Variants in RAB6A observed in about 807,000 individuals in gnomAD.
The protein encoded by RAB6A is ras-related protein Rab-6A.
Under a neutral mutation model 32.3 loss-of-function variants are expected in RAB6A, and 8 were observed. The ratio of observed to expected loss-of-function variants is 0.25; its 90% CI spans 0.15 to 0.45. The LOEUF is 0.45. RAB6A is among the 20% of genes least tolerant of loss of function. The pLI is 1.00. For missense variants in RAB6A, 104 were observed against 249.4 expected (o/e 0.42, Z 3.93); for synonymous variants, 73 against 82.1 (o/e 0.89, Z 0.60).
At chr11:73,743,578 G>C (rs1392623388) in intron 1 of RAB6A, among the ~76,000 whole-genome samples, 1 of 151,470 alleles carries the variant, frequency 6.6e-6, no homozygotes, top group Non-Finnish European at 1.5e-5. Context: ...AGTGAGACAG[G>C]ATCACTGCAG....
chr11:73,755,517 C>T (rs1199289715), intron 1 of RAB6A, among the ~76,000 whole-genome samples: 1 of 151,974 alleles, frequency 6.6e-6, no homozygotes. Context: ...GGTCTCGAAC[C>T]CCTGACCTCA....
At chr11:73,760,518 C>G in intron 1 of RAB6A, 48 bp downstream of exon 1, 1 of 1,556,896 alleles carries the variant, frequency 6.4e-7, no homozygotes, top group Non-Finnish European at 8.7e-7. Context: ...GGGGGCGGTG[C>G]GGGGACGCTG....
chr11:73,684,773 A>C (rs1297394105), intron 6 of RAB6A, among the ~76,000 whole-genome samples: 1 of 152,228 alleles, frequency 6.6e-6, no homozygotes, highest in East Asian at 1.9e-4. Context: ...AGTTTCCTGA[A>C]CACATGTTCA....
Position 73,677,797 on chromosome 11 carries a change from G to C in RAB6A, c.*101C>G. ...TGATGAATTGCAATACGTTATTACT[G>C]AAGGGAAAAGGTTCAAGCCAATATT... On this transcript the variant is annotated 3_prime_UTR_variant, in exon 8 of 8. Coordinates refer to ENST00000336083, the MANE Select transcript of RAB6A (RefSeq NM_198896.2). The C allele has an allele frequency of 6.3e-7, 1 of 1,590,622 alleles. No individual in the cohort carries two copies. The highest frequency in any genetic ancestry group is 1.3e-5 in the African/African-American group (1 of 74,336).
At chr11:73,716,156 A>G (rs1590857019) in intron 5 of RAB6A, 95 bp downstream of exon 5, 1 of 925,240 alleles carries the variant, frequency 1.1e-6, no homozygotes, top group African/African-American at 1.6e-5. Context: ...TTAAGGATTA[A>G]GCATGTCTCC....
intron 2 of RAB6A, among the ~76,000 whole-genome samples, chr11:73,728,610 A>AAATAATAATAATAATAATAAT (rs71065031): frequency 0.037 from 5,022 of 136,370 alleles, 147 homozygotes; most frequent in Admixed American, 0.082. Context: ...GTCTTTGTTT[A>AAATAATAATAATAATAATAAT]AATAATAATA....
At chr11:73,737,638 T>C (rs543201504) in intron 1 of RAB6A, among the ~76,000 whole-genome samples, 2 of 152,278 alleles carry the variant, frequency 1.3e-5, no homozygotes, top group Admixed American at 6.5e-5. Context: ...GTATTGATAA[T>C]ATGCTTCAAA....
At chr11:73,744,592 A>C (rs1275870632) in intron 1 of RAB6A, among the ~76,000 whole-genome samples, 3 of 150,394 alleles carry the variant, frequency 2.0e-5, no homozygotes, top group Non-Finnish European at 3.0e-5. Context: ...CCTACAACAA[A>C]GTCAACATAC....
chr11:73,760,760 C>T lies in RAB6A; in HGVS notation c.-125G>A. Reference sequence around the variant, plus strand: ...CGAGCTCTCTCGGCCCCTGCAAGGCCCGGTGGAGGAGCCCGGCTGGAGGGC... The same window carrying T: ...CGAGCTCTCTCGGCCCCTGCAAGGCTCGGTGGAGGAGCCCGGCTGGAGGGC... On this transcript the variant is annotated 5_prime_UTR_variant, in exon 1 of 8. Coordinates refer to ENST00000336083, the MANE Select transcript of RAB6A (RefSeq NM_198896.2). 1 of 1,367,336 alleles carries T rather than the reference C, an allele frequency of 7.3e-7. No individual in the cohort carries two copies. The highest frequency in any genetic ancestry group is 1.4e-5 in the South Asian group (1 of 73,580). The allele number at this position is 1,367,336 out of a possible 1,614,324, so 84.7% of individuals were successfully genotyped here. A position where few individuals can be genotyped will look rare whatever the true frequency, so the allele number is the denominator to read the frequency against.
At chr11:73,699,142 T>C (rs1945702538) in intron 6 of RAB6A, among the ~76,000 whole-genome samples, 1 of 152,170 alleles carries the variant, frequency 6.6e-6, no homozygotes, top group South Asian at 2.1e-4. Flanking sequence ...TTTGAGCCAC[T>C]GCGCCAGGCC....
At chr11:73,756,657 C>T (rs763951790) in intron 1 of RAB6A, among the ~76,000 whole-genome samples, 2 of 152,096 alleles carry the variant, frequency 1.3e-5, no homozygotes, top group African/African-American at 2.4e-5. Context: ...AGGAAACTTC[C>T]AATTGTGTAT....
In RAB6A at chr11:73,718,586, T is replaced by C. The variant is rs573348322; in HGVS notation, c.289+27A>G. On this transcript the variant is annotated intron_variant, in intron 4 of 7. Transcript: ENST00000336083. ...GCTAAGCTAAAGGTTGAAAGAAGAT[T>C]AGAAATGCATAATTCCCTCCACTCA... The C allele has an allele frequency of 5.3e-5, 83 of 1,559,488 alleles. 1 individual carries two copies. Among genetic ancestry groups the C allele is most frequent in the East Asian group, 3.1e-4 (14 of 44,464 alleles).
intron 6 of RAB6A, among the ~76,000 whole-genome samples, chr11:73,685,248 T>C (rs1258936830): frequency 6.6e-6 from 1 of 151,628 alleles, no homozygotes; most frequent in East Asian, 1.9e-4. Flanking sequence ...GAAATAATTA[T>C]GCAAAGTGTT....
intron 1 of RAB6A, among the ~76,000 whole-genome samples, chr11:73,731,282 C>T (rs947861364): frequency 7.2e-5 from 11 of 152,020 alleles, no homozygotes; most frequent in Admixed American, 1.3e-4. Context: ...CGATGGTTCA[C>T]GCCTGTAATC....
chr11:73,755,663 G>A (rs547468607), intron 1 of RAB6A, among the ~76,000 whole-genome samples: 16 of 152,134 alleles, frequency 1.1e-4, no homozygotes, highest in Admixed American at 9.2e-4. Context: ...CAGCTACTAG[G>A]GAGGCTGAGG....
intron 2 of RAB6A, among the ~76,000 whole-genome samples, chr11:73,728,549 G>A (rs1946257025): frequency 6.7e-6 from 1 of 149,884 alleles, no homozygotes; most frequent in South Asian, 2.1e-4. Flanking sequence ...GAGGTGAAAG[G>A]GTTGCTTGGG....
chr11:73,761,032 G>C lies in RAB6A; in HGVS notation c.-397C>G, dbSNP rs1357921225. 1 of 169,334 alleles carries C rather than the reference G, an allele frequency of 5.9e-6. No homozygotes were observed. The highest frequency in any genetic ancestry group is 1.3e-5 in the Non-Finnish European group (1 of 77,516). The allele number at this position is 169,334 out of a possible 1,614,324, so 10.5% of individuals were successfully genotyped here. A position where few individuals can be genotyped will look rare whatever the true frequency, so the allele number is the denominator to read the frequency against. ...GGGACCTCTCACGCGCAGCGCCTGA[G>C]CTTCCACAGCTGCCGCCGCCGCCGC... On this transcript the variant is annotated 5_prime_UTR_variant, in exon 1 of 8. Transcript: ENST00000336083.
chr11:73,732,632 G>A (rs561413040), intron 1 of RAB6A, among the ~76,000 whole-genome samples: 3 of 151,930 alleles, frequency 2.0e-5, no homozygotes, highest in South Asian at 2.1e-4. Flanking sequence ...GGGGGAGTGC[G>A]CCTTGTAAAC....
chr11:73,716,615 T>TAC (rs1414090772), intron 4 of RAB6A, among the ~76,000 whole-genome samples: 1 of 151,976 alleles, frequency 6.6e-6, no homozygotes, highest in African/African-American at 2.4e-5. Flanking sequence ...ATCAAATGAG[T>TAC]ACAATGTAGT....
Sources: gnomAD v4.1 joint callset for allele counts (sites outside exome capture counted in the v4.1 genomes callset) on GRCh38, gnomAD v4.1.1 for gene constraint, MANE v1.5 for transcripts, NCBI Gene and HGNC (gene_info 2026-07-23, HGNC 2026-07-21) for gene names.